Variants in FOXP2 observed in about 807,000 individuals in gnomAD.
FOXP2 encodes the protein forkhead box protein P2.
FOXP2 carries 12 observed loss-of-function variants against 115.8 expected under a neutral mutation model. The observed-to-expected ratio is 0.10, with a 90% CI of 0.07 to 0.17. The LOEUF is 0.17. Ranked by LOEUF, FOXP2 falls within the 10% of genes least tolerant of loss-of-function variation. FOXP2 has a pLI of 1.00. For missense variants in FOXP2, 629 were observed against 843.5 expected (o/e 0.75, Z 3.15); for synonymous variants, 328 against 297.7 (o/e 1.10, Z -1.05).
chr7:114,564,518 G>A (rs1269627551), intron 3 of FOXP2, among the ~76,000 whole-genome samples: 3 of 152,190 alleles, frequency 2.0e-5, no homozygotes, highest in Middle Eastern at 6.8e-3. Flanking sequence ...ATTGTTAACA[G>A]TATCTGTGAC....
intron 3 of FOXP2, among the ~76,000 whole-genome samples, chr7:114,625,288 G>A (rs2129325286): frequency 6.6e-6 from 1 of 151,800 alleles, no homozygotes; most frequent in African/African-American, 2.4e-5. Flanking sequence ...AGAGCCACCA[G>A]ACTTTTATTT....
At chr7:114,547,678 A>G (rs902268741) in intron 3 of FOXP2, among the ~76,000 whole-genome samples, 2 of 152,032 alleles carry the variant, frequency 1.3e-5, no homozygotes, top group African/African-American at 4.8e-5. Context: ...AGAATTTCTC[A>G]AACCCGGGAG....
chr7:114,350,390 G>A (rs150534602), intron 2 of FOXP2, among the ~76,000 whole-genome samples: 11 of 152,222 alleles, frequency 7.2e-5, no homozygotes, highest in African/African-American at 1.9e-4. Flanking sequence ...GTGAGAACAC[G>A]CAGTGTGCGG....
intron 1 of FOXP2, among the ~76,000 whole-genome samples, chr7:114,275,979 G>T (rs933143510): frequency 6.6e-6 from 1 of 152,142 alleles, no homozygotes; most frequent in African/African-American, 2.4e-5. Flanking sequence ...TTGGAGCTGG[G>T]CATTTCTTCT....
At chr7:114,237,874 C>T (rs1795053331) in intron 1 of FOXP2, among the ~76,000 whole-genome samples, 1 of 152,008 alleles carries the variant, frequency 6.6e-6, no homozygotes, top group African/African-American at 2.4e-5. Context: ...GCCCCAGAGA[C>T]TGAGGCACAA....
intron 2 of FOXP2, among the ~76,000 whole-genome samples, chr7:114,309,141 A>G (rs1264058058): frequency 6.6e-6 from 1 of 152,182 alleles, no homozygotes; most frequent in African/African-American, 2.4e-5. Flanking sequence ...TAATAAAGAC[A>G]ATGTATCCTT....
intron 2 of FOXP2, among the ~76,000 whole-genome samples, chr7:114,300,267 T>G (rs1420449979): frequency 6.6e-6 from 1 of 152,092 alleles, no homozygotes; most frequent in African/African-American, 2.4e-5. Context: ...ACTGGTTAAG[T>G]TAGAGTATAT....
intron 4 of FOXP2, chr7:114,629,471 T>G (rs1432406999): frequency 1.2e-5 from 10 of 837,864 alleles, no homozygotes; most frequent in Non-Finnish European, 1.8e-5. Context: ...ATTTTTATTC[T>G]TACAACTGGT....
chr7:114,386,629 A>G (rs1403011129), intron 2 of FOXP2, among the ~76,000 whole-genome samples: 1 of 152,178 alleles, frequency 6.6e-6, no homozygotes, highest in Non-Finnish European at 1.5e-5. Context: ...GTCACACTGA[A>G]CCAGATTTAC....
At chr7:114,594,000 G>A (rs1441299550) in intron 3 of FOXP2, among the ~76,000 whole-genome samples, 2 of 151,882 alleles carry the variant, frequency 1.3e-5, no homozygotes, top group East Asian at 3.9e-4. Flanking sequence ...GCTATTGAGT[G>A]AAGTTACAAG....
chr7:114,692,778 A>G lies in FOXP2; in HGVS notation c.*2852A>G, dbSNP rs1563084309. 1 of 440,686 alleles carries G rather than the reference A, an allele frequency of 2.3e-6. No homozygotes were observed. The highest frequency in any genetic ancestry group is 4.5e-6 in the Non-Finnish European group (1 of 220,722). 27.3% of individuals were successfully genotyped at this position (440,686 alleles called of 1,614,324 possible). ...ATCTTTTGTATACAGCAAATTTTAA[A>G]CTGTAGCACAAACATCTGTTTATGT... On this transcript the variant is annotated 3_prime_UTR_variant, in exon 17 of 17. Coordinates refer to ENST00000350908, the MANE Select transcript of FOXP2 (RefSeq NM_014491.4).
At chr7:114,177,692 A>G (rs184064353) in intron 1 of FOXP2, among the ~76,000 whole-genome samples, 31 of 152,096 alleles carry the variant, frequency 2.0e-4, no homozygotes, top group Non-Finnish European at 3.7e-4. Flanking sequence ...TGGCAAGTAC[A>G]GATTGTATAT....
At chr7:114,176,139 G>A (rs1160626469) in intron 1 of FOXP2, among the ~76,000 whole-genome samples, 2 of 150,512 alleles carry the variant, frequency 1.3e-5, no homozygotes, top group African/African-American at 4.9e-5. Context: ...TATGTTTAGG[G>A]GATTTATAAA....
chr7:114,359,475 G>A (rs1791694792), intron 2 of FOXP2, among the ~76,000 whole-genome samples: 1 of 152,234 alleles, frequency 6.6e-6, no homozygotes, highest in African/African-American at 2.4e-5. Context: ...CCAGAATCCA[G>A]AATTGTAGAT....
intron 1 of FOXP2, among the ~76,000 whole-genome samples, chr7:114,143,688 A>G (rs905853887): frequency 1.3e-5 from 2 of 152,224 alleles, no homozygotes; most frequent in African/African-American, 4.8e-5. Context: ...TTCCATTGGT[A>G]AAGTAATTCA....
chr7:114,435,736 A>C (rs1794313538), intron 2 of FOXP2, among the ~76,000 whole-genome samples: 1 of 152,056 alleles, frequency 6.6e-6, no homozygotes, highest in Admixed American at 6.6e-5. Context: ...ACGGGGTTTC[A>C]CCATGTTGGC....
At chr7:114,542,078 T>C (rs1214224038) in intron 3 of FOXP2, among the ~76,000 whole-genome samples, 2 of 152,146 alleles carry the variant, frequency 1.3e-5, no homozygotes, top group African/African-American at 4.8e-5. Context: ...CTGTGGATTC[T>C]ATTTATATAT....
At chr7:114,274,362 A>G (rs1796132128) in intron 1 of FOXP2, among the ~76,000 whole-genome samples, 1 of 152,130 alleles carries the variant, frequency 6.6e-6, no homozygotes, top group Non-Finnish European at 1.5e-5. Flanking sequence ...AAGAAAAATA[A>G]AAGTTTTAAT....
chr7:114,656,516 T>C, intron 10 of FOXP2: 1 of 454,004 alleles, frequency 2.2e-6, no homozygotes, highest in Non-Finnish European at 4.4e-6. Flanking sequence ...CTCTTGTACA[T>C]CCCAGAGAAG....
Sources: gnomAD v4.1 joint callset for allele counts (sites outside exome capture counted in the v4.1 genomes callset) on GRCh38, gnomAD v4.1.1 for gene constraint, MANE v1.5 for transcripts, NCBI Gene and HGNC (gene_info 2026-07-23, HGNC 2026-07-21) for gene names.